The following DCDC1 variants were observed in gnomAD, a reference collection of about 807,000 sequenced individuals.
DCDC1 encodes the protein doublecortin domain-containing protein 1.
DCDC1 carries 200 observed loss-of-function variants against 178.3 expected under a neutral mutation model. The observed-to-expected ratio is 1.12, with a 90% CI of 1.00 to 1.26. DCDC1 has a LOEUF of 1.26. DCDC1 is among the 50% of genes most tolerant of loss of function. DCDC1 has a pLI of 0.00. For missense variants in DCDC1, 1,983 were observed against 1,749.2 expected, an observed-to-expected ratio of 1.13 and a Z score of -2.38; for synonymous variants, 690 against 604.8, an observed-to-expected ratio of 1.14 and a Z score of -2.07.
At chr11:31,294,509 G>A (rs1257785744) in intron 6 of DCDC1, among the ~76,000 whole-genome samples, 1 of 148,722 alleles carries the variant, frequency 6.7e-6, no homozygotes, top group African/African-American at 2.5e-5. Context: ...CTTGAACTCG[G>A]GAGGCAGAGG....
At position 30,886,731 on chromosome 11, in the gene DCDC1, C is replaced by A. The variant is rs150615284; in HGVS notation, c.5083-5423G>T. 1.0e-3 allele frequency among the ~76,000 whole-genome samples: 152 copies of A among 151,922 alleles called. 1 individual carries two copies. Among genetic ancestry groups the A allele is most frequent in the African/African-American group, 3.4e-3 (142 of 41,344 alleles). On this transcript the variant is annotated intron_variant, in intron 36 of 38. Transcript: ENST00000684477. The stretch of plus-strand genomic sequence containing the variant: ...TGTCTTCAACATAAATTTTGGGGCA[C>A]AATTCAATCCATAGCAGTCACTATT...
chr11:31,305,686 T>A lies in DCDC1; in HGVS notation c.683A>T (p.Asp228Val), dbSNP rs2137585291. ...ATAAACATCGGCTTCATGGGGTATA[T>A]CTTCAGGTTCGAGGGCTTCCTTGCC... ...ADGKEALEPEDIPHEADVYVS... is the reference protein window; with the variant it reads ...ADGKEALEPEVIPHEADVYVS... Residue 228 changes from aspartate to valine, a missense_variant, in exon 6 of 39, where the codon GAT becomes GTT. Physicochemically the swap from Asp to Val is radical, Grantham distance 152. Transcript: ENST00000684477. 6.2e-7 allele frequency: 1 copy of A among 1,613,890 alleles called. No homozygotes were observed.
At chr11:31,025,875 T>C (rs1953197345) in intron 20 of DCDC1, among the ~76,000 whole-genome samples, 1 of 151,772 alleles carries the variant, frequency 6.6e-6, no homozygotes, top group Non-Finnish European at 1.5e-5. Context: ...GCCAATCTGA[T>C]ACATGGTGGC....
intron 20 of DCDC1, among the ~76,000 whole-genome samples, chr11:30,979,204 C>A (rs1172586947): frequency 6.6e-6 from 1 of 152,022 alleles, no homozygotes; most frequent in Non-Finnish European, 1.5e-5. Context: ...CATCACACTT[C>A]GAATAGATCA....
intron 9 of DCDC1, among the ~76,000 whole-genome samples, chr11:31,193,977 C>T (rs546084234): frequency 7.2e-5 from 11 of 152,034 alleles, no homozygotes; most frequent in Non-Finnish European, 1.3e-4. Flanking sequence ...AGTTCAGATT[C>T]GGGCCCGCTT....
In DCDC1 at chr11:31,110,410, C is replaced by A. The variant is rs552209299; in HGVS notation, c.1486-49G>T. 49 of 679,820 alleles carry A rather than the reference C, an allele frequency of 7.2e-5. No individual in the cohort carries two copies. The South Asian group carries it at 7.5e-4, about 10-fold the overall frequency. The allele number at this position is 679,820 out of a possible 1,614,324, so 42.1% of individuals were successfully genotyped here. A position where few individuals can be genotyped will look rare whatever the true frequency, so the allele number is the denominator to read the frequency against. ...ATAAAAATAAATACATGCACACATA[C>A]ATACATATATTCATACATACTTAGA... On this transcript the variant is annotated intron_variant, in intron 11 of 38. Transcript: ENST00000684477.
chr11:30,952,607 G>A, intron 20 of DCDC1, 39 bp from the exon 21 acceptor site: 1 of 832,720 alleles, frequency 1.2e-6, no homozygotes, highest in Non-Finnish European at 1.9e-6. Flanking sequence ...AATTTAGCAA[G>A]GTTAAATATC....
chr11:30,997,436 A>T (rs1315738152), intron 20 of DCDC1, among the ~76,000 whole-genome samples: 5 of 152,146 alleles, frequency 3.3e-5, no homozygotes, highest in African/African-American at 1.2e-4. Flanking sequence ...ACATAACCTC[A>T]CTGAAGGGGT....
chr11:31,097,958 C>T (rs982851518), intron 15 of DCDC1, among the ~76,000 whole-genome samples: 1 of 152,102 alleles, frequency 6.6e-6, no homozygotes, highest in Non-Finnish European at 1.5e-5. Context: ...ACTGAATTTA[C>T]AAGCTAAATT....
At chr11:31,119,982 C>T (rs979034902) in intron 11 of DCDC1, among the ~76,000 whole-genome samples, 2 of 152,174 alleles carry the variant, frequency 1.3e-5, no homozygotes, top group African/African-American at 2.4e-5. Flanking sequence ...CTATGCTTCT[C>T]TGCATCTTCC....
chr11:31,368,942 A>ACACCACCACCACCAC (rs534970534), intron 1 of DCDC1, among the ~76,000 whole-genome samples: 4 of 151,596 alleles, frequency 2.6e-5, no homozygotes, highest in Admixed American at 6.6e-5. Context: ...GGTGAGAAAA[A>ACACCACCACCACCAC]CACCACCACC....
intron 9 of DCDC1, among the ~76,000 whole-genome samples, chr11:31,180,671 A>G (rs1168706827): frequency 1.3e-5 from 2 of 152,180 alleles, no homozygotes; most frequent in Non-Finnish European, 2.9e-5. Context: ...ACTCCAGCCC[A>G]GATATTATGA....
intron 7 of DCDC1, among the ~76,000 whole-genome samples, chr11:31,275,112 A>T (rs774421142): frequency 6.6e-5 from 10 of 152,258 alleles, no homozygotes; most frequent in Middle Eastern, 3.4e-3. Context: ...AGTAGTCAAA[A>T]AATATTTTGA....
Position 31,369,079 on chromosome 11 carries a change from G to T in DCDC1, c.-125+618C>A, listed in dbSNP as rs536904359. 1.6e-4 allele frequency among the ~76,000 whole-genome samples: 25 copies of T among 152,260 alleles called. No individual in the cohort carries two copies. In the South Asian group the frequency reaches 5.0e-3, roughly 30 times the overall value. On this transcript the variant is annotated intron_variant, in intron 1 of 38. Coordinates refer to ENST00000684477, the MANE Select transcript of DCDC1 (RefSeq NM_001387274.1). ...TGTAAGCTTGAAAGATAGCATAGCT[G>T]CCCTGGGAATGTGTAGACTTGCTGA...
At chr11:31,016,659 C>T (rs1952501424) in intron 20 of DCDC1, among the ~76,000 whole-genome samples, 2 of 152,104 alleles carry the variant, frequency 1.3e-5, no homozygotes, top group African/African-American at 2.4e-5. Context: ...TGGAATAGCA[C>T]CTGCAAAGGC....
chr11:31,273,669 C>T (rs1023469587), intron 7 of DCDC1, among the ~76,000 whole-genome samples: 2 of 152,150 alleles, frequency 1.3e-5, no homozygotes, highest in African/African-American at 4.8e-5. Context: ...TTACTCAGTT[C>T]GAAAGTCGCT....
chr11:31,314,061 T>C (rs1948921545), intron 3 of DCDC1, among the ~76,000 whole-genome samples: 1 of 152,182 alleles, frequency 6.6e-6, no homozygotes, highest in Admixed American at 6.5e-5. Flanking sequence ...CAACCCCACA[T>C]GAAGGAATGT....
chr11:31,157,320 G>C (rs1965804898), intron 9 of DCDC1, among the ~76,000 whole-genome samples: 1 of 141,370 alleles, frequency 7.1e-6, no homozygotes, highest in South Asian at 2.2e-4. Context: ...GAGCCCAGGA[G>C]TTCAAGGTTA....
intron 9 of DCDC1, among the ~76,000 whole-genome samples, chr11:31,151,211 C>G (rs1166684256): frequency 6.6e-6 from 1 of 152,168 alleles, no homozygotes; most frequent in Non-Finnish European, 1.5e-5. Flanking sequence ...TGTCTAACTT[C>G]AGCCGCTTAT....
Sources: allele counts gnomAD v4.1 joint callset (sites outside exome capture counted in the v4.1 genomes callset), GRCh38; gene constraint gnomAD v4.1.1; transcripts MANE v1.5; gene names NCBI Gene and HGNC (gene_info 2026-07-23, HGNC 2026-07-21).